ZFHX3: variants seen among roughly 807,000 people sequenced by gnomAD.
The protein encoded by ZFHX3 is zinc finger homeobox protein 3.
In ZFHX3, 42 loss-of-function variants were observed where a neutral mutation model predicts 279.1. The observed-to-expected ratio is 0.15, with a 90% CI of 0.12 to 0.19. The LOEUF (loss-of-function observed/expected upper bound fraction) is 0.19. Among genes scored for constraint, ZFHX3 ranks in the 10% least tolerant of loss-of-function variants. The pLI, the probability that ZFHX3 is intolerant of heterozygous loss-of-function variation, is 1.00. For synonymous variants in ZFHX3, 2,293 were observed against 1,957.8 expected, an observed-to-expected ratio of 1.17 and a Z score of -4.52; for missense variants, 4,981 against 4,754.0, an observed-to-expected ratio of 1.05 and a Z score of -1.40.
chr16:72,896,323 G>A (rs1434737853), intron 3 of ZFHX3, among the ~76,000 whole-genome samples: 3 of 152,060 alleles, frequency 2.0e-5, no homozygotes, highest in Non-Finnish European at 4.4e-5. Context: ...GCTGGAAGGG[G>A]GACACTCCAA....
At chr16:73,767,023 C>T (rs1170983396) in intron 1 of ZFHX3, among the ~76,000 whole-genome samples, 4 of 151,436 alleles carry the variant, frequency 2.6e-5, no homozygotes, top group African/African-American at 7.3e-5. Flanking sequence ...GCAACCTCCA[C>T]CTCCCGGATG....
chr16:72,826,591 G>T (rs1465576537), intron 5 of ZFHX3, among the ~76,000 whole-genome samples: 3 of 152,162 alleles, frequency 2.0e-5, no homozygotes, highest in Non-Finnish European at 4.4e-5. Context: ...ATCGGCCCAA[G>T]TACCTTAATA....
At position 73,433,167 on chromosome 16, in the gene ZFHX3, T is replaced by C. The variant is rs147585109; in HGVS notation, c.-1291+22836A>G. The stretch of plus-strand genomic sequence containing the variant: ...TAGAGCATCTAGGCAGGTCGGGGCC[T>C]GCTGCCATGGAGCTGCCACTGAGTA... On this transcript the variant is annotated intron_variant, in intron 3 of 17. Coordinates refer to the ZFHX3 transcript ENST00000641206. Among the ~76,000 whole-genome samples, 447 of 152,342 alleles carry C rather than the reference T, an allele frequency of 2.9e-3. 4 individuals are homozygous for C. Among genetic ancestry groups the C allele is most frequent in the African/African-American group, 0.01 (428 of 41,582 alleles).
chr16:73,768,292 C>T (rs967607324), intron 1 of ZFHX3, among the ~76,000 whole-genome samples: 3 of 152,146 alleles, frequency 2.0e-5, no homozygotes, highest in South Asian at 2.1e-4. Context: ...CTACTCTGGT[C>T]GGCCTCTGGG....
intron 1 of ZFHX3, among the ~76,000 whole-genome samples, chr16:73,691,897 GA>G (rs2053153222): frequency 1.3e-5 from 2 of 152,220 alleles, no homozygotes; most frequent in Non-Finnish European, 2.9e-5. Context: ...CTATGCGAAA[GA>G]TCTGAAGAGC....
chr16:72,959,191 T>G lies in ZFHX3; in HGVS notation c.955A>C (p.Asn319His). Reference sequence around the variant, plus strand: ...TGGATGATAGCGGAGATGTTCTTATTGCTAAGAATTTTCCGCTCGTCTTCG... The same window carrying G: ...TGGATGATAGCGGAGATGTTCTTATGGCTAAGAATTTTCCGCTCGTCTTCG... ...LSEDERKILS[N>H]KNISAIIQGI... Residue 319 changes from asparagine (N) to histidine (H), a missense_variant, in exon 2 of 10, where the codon AAT (asparagine) becomes CAT (histidine). By Grantham distance (68) the Asn-to-His change is moderately conservative. Coordinates refer to ENST00000268489, the MANE Select transcript of ZFHX3 (RefSeq NM_006885.4). The G allele has an allele frequency of 6.2e-7, 1 of 1,614,222 alleles. No homozygotes were observed. The highest frequency in any genetic ancestry group is 1.1e-5 in the South Asian group (1 of 91,084).
At chr16:73,450,980 T>A (rs1182035875) in intron 3 of ZFHX3, among the ~76,000 whole-genome samples, 1 of 152,230 alleles carries the variant, frequency 6.6e-6, no homozygotes, top group Non-Finnish European at 1.5e-5. Context: ...GCAAAAACTC[T>A]ACTTTCAACT....
At chr16:73,369,840 TTCTCTC>T (rs141368995) in intron 3 of ZFHX3, among the ~76,000 whole-genome samples, 1 of 143,622 alleles carries the variant, frequency 7.0e-6, no homozygotes, top group Non-Finnish European at 1.5e-5. Context: ...GGATGGTCCT[TTCTCTC>T]TCTCTCTCTC....
At chr16:73,063,832 TTTTTACACC>T (rs1965715214), upstream of ZFHX3, among the ~76,000 whole-genome samples, 1 of 152,152 alleles carries the variant, frequency 6.6e-6, no homozygotes, top group African/African-American at 2.4e-5. Context: ...TCAAAATAAA[TTTTTACACC>T]TGAAAGGTAA....
rs572790319 is a variant in ZFHX3 at position 73,221,837 on chromosome 16, A to G, written c.-1104+35210T>C. On this transcript the variant is annotated intron_variant, in intron 5 of 17. Coordinates refer to the ZFHX3 transcript ENST00000641206. ...TGTACACATTCTTAAAAAAATAAAA[A>G]TGAAAAAATCACATATCAATATATT... Among the ~76,000 whole-genome samples, 209 of 152,290 alleles carry G rather than the reference A, an allele frequency of 1.4e-3. 1 individual carries two copies. The highest frequency in any genetic ancestry group is 5.7e-4 in the Non-Finnish European group (39 of 68,012).
At chr16:72,997,607 C>G (rs774756386) in intron 1 of ZFHX3, among the ~76,000 whole-genome samples, 1 of 152,186 alleles carries the variant, frequency 6.6e-6, no homozygotes, top group African/African-American at 2.4e-5. Flanking sequence ...CATCTCCCCC[C>G]AGACTTATTC....
intron 2 of ZFHX3, among the ~76,000 whole-genome samples, chr16:73,613,570 G>T (rs1054892332): frequency 1.3e-5 from 2 of 152,112 alleles, no homozygotes; most frequent in East Asian, 1.9e-4. Context: ...TGAAACAAAG[G>T]TGACTTGATT....
chr16:73,163,244 G>A (rs1408275494), intron 5 of ZFHX3, among the ~76,000 whole-genome samples: 5 of 152,134 alleles, frequency 3.3e-5, no homozygotes, highest in East Asian at 1.9e-4. Context: ...GCAGGGATTC[G>A]GAGACCTGGG....
chr16:73,125,329 A>G (rs1024762906), intron 7 of ZFHX3: 3 of 151,486 alleles, frequency 2.0e-5, no homozygotes, highest in African/African-American at 7.3e-5. Context: ...ATGTGCAGGT[A>G]CCATTCTGGA....
At chr16:73,451,928 T>G (rs539098942) in intron 3 of ZFHX3, among the ~76,000 whole-genome samples, 137 of 152,310 alleles carry the variant, frequency 9.0e-4, no homozygotes, top group Non-Finnish European at 1.6e-3. Context: ...TTGCTTAAGT[T>G]GCCATGGACA....
chr16:73,060,538 C>T (rs1349518218), upstream of ZFHX3: 2 of 136,262 alleles, frequency 1.5e-5, no homozygotes, highest in East Asian at 5.0e-4. Flanking sequence ...TTCTCTGTCT[C>T]TTCCCCCCCC....
chr16:73,567,970 G>T (rs1035974977), intron 2 of ZFHX3, among the ~76,000 whole-genome samples: 1 of 152,028 alleles, frequency 6.6e-6, no homozygotes, highest in African/African-American at 2.4e-5. Flanking sequence ...AGAAAACAAA[G>T]TACCACCCCA....
At chr16:73,352,404 G>A (rs1475805474) in intron 3 of ZFHX3, among the ~76,000 whole-genome samples, 1 of 151,568 alleles carries the variant, frequency 6.6e-6, no homozygotes, top group Non-Finnish European at 1.5e-5. Context: ...GGCTCCTGTG[G>A]CATGAGGTTG....
intron 1 of ZFHX3, among the ~76,000 whole-genome samples, chr16:73,764,242 C>A (rs377626352): frequency 2.0e-5 from 3 of 152,320 alleles, no homozygotes; most frequent in East Asian, 3.9e-4. Flanking sequence ...TTGCCCCCAA[C>A]GCTTTTGCTC....
Sources: allele counts gnomAD v4.1 joint callset (sites outside exome capture counted in the v4.1 genomes callset), GRCh38; gene constraint gnomAD v4.1.1; transcripts MANE v1.5; gene names NCBI Gene and HGNC (gene_info 2026-07-23, HGNC 2026-07-21).